The following RABGAP1L variants were observed in gnomAD, a reference collection of about 807,000 sequenced individuals.
RABGAP1L encodes the protein RAB GTPase activating protein 1 like, also known as rab GTPase-activating protein 1-like.
Under a neutral mutation model 137.7 loss-of-function variants are expected in RABGAP1L, and 63 were observed. That is an observed-to-expected ratio of 0.46 (90% confidence interval 0.37 to 0.56). RABGAP1L has a LOEUF of 0.56. Ranked by LOEUF, RABGAP1L falls within the 20% of genes least tolerant of loss-of-function variation. The pLI, the probability that RABGAP1L is intolerant of heterozygous loss-of-function variation, is 0.00. For synonymous variants in RABGAP1L, 431 were observed against 433.7 expected, an observed-to-expected ratio of 0.99 and a Z score of 0.08; for missense variants, 1,095 against 1,244.0, an observed-to-expected ratio of 0.88 and a Z score of 1.80.
rs532571881 is a variant in RABGAP1L at position 174,647,013 on chromosome 1, A to G, written c.1824+9525A>G. On this transcript the variant is annotated intron_variant, in intron 14 of 25. Coordinates refer to ENST00000681986, the MANE Select transcript of RABGAP1L (RefSeq NM_001366446.1). Reference sequence around the variant, plus strand: ...TTACTCATGATTTGGCTGTTTGTCTATTATTGGTGTATAGGAATGCTTGTG... The same window carrying G: ...TTACTCATGATTTGGCTGTTTGTCTGTTATTGGTGTATAGGAATGCTTGTG... Among the ~76,000 whole-genome samples the G allele has an allele frequency of 2.6e-5, 4 of 151,652 alleles. No homozygotes were observed. The East Asian group carries it at 5.8e-4, about 22-fold the overall frequency.
chr1:174,868,286 G>A (rs974598195), intron 19 of RABGAP1L, among the ~76,000 whole-genome samples: 1 of 152,184 alleles, frequency 6.6e-6, no homozygotes, highest in African/African-American at 2.4e-5. Flanking sequence ...CTTAGAGCAA[G>A]TATCTCTTCT....
At chr1:174,412,884 G>C (rs1650110507) in intron 13 of RABGAP1L, among the ~76,000 whole-genome samples, 1 of 152,018 alleles carries the variant, frequency 6.6e-6, no homozygotes, top group Non-Finnish European at 1.5e-5. Context: ...TTCTCTAGCT[G>C]TCTTTAAAAT....
rs148096304 is a variant in RABGAP1L at position 174,545,456 on chromosome 1, C to T, written c.1711-91919C>T. ...CCGTTTGCTAAGACCATTGGAAAAG[C>T]GCAGTATTAGGGTGGGAGGGTCCCG... On this transcript the variant is annotated intron_variant, in intron 13 of 25. Coordinates refer to ENST00000681986, the MANE Select transcript of RABGAP1L (RefSeq NM_001366446.1). 2.1e-3 allele frequency: 316 copies of T among 152,374 alleles called. 1 individual carries two copies. Among genetic ancestry groups the T allele is most frequent in the African/African-American group, 7.0e-3 (290 of 41,556 alleles). 9.4% of individuals were successfully genotyped at this position (152,374 alleles called of 1,614,324 possible).
chr1:174,756,268 G>T (rs1056120016), intron 18 of RABGAP1L, among the ~76,000 whole-genome samples: 14 of 152,092 alleles, frequency 9.2e-5, no homozygotes, highest in Admixed American at 4.6e-4. Context: ...TCCTGCCTCA[G>T]CCTCCTGAGT....
chr1:174,170,890 G>C (rs565805240), intron 1 of RABGAP1L, among the ~76,000 whole-genome samples: 1 of 152,268 alleles, frequency 6.6e-6, no homozygotes, highest in South Asian at 2.1e-4. Flanking sequence ...CATTTTATTG[G>C]ATAATATTTG....
intron 11 of RABGAP1L, among the ~76,000 whole-genome samples, chr1:174,370,044 T>A (rs1684975509): frequency 6.6e-6 from 1 of 152,248 alleles, no homozygotes; most frequent in Non-Finnish European, 1.5e-5. Context: ...TCATTGGATT[T>A]TGTGGTATGC....
At chr1:174,260,902 AT>A (rs532869931) in intron 7 of RABGAP1L, among the ~76,000 whole-genome samples, 30 of 147,312 alleles carry the variant, frequency 2.0e-4, no homozygotes, top group Admixed American at 3.4e-4. Context: ...TGTCTAGTTG[AT>A]TTTTTTTTTT....
intron 19 of RABGAP1L, among the ~76,000 whole-genome samples, chr1:174,843,465 A>G: frequency 6.8e-6 from 1 of 146,784 alleles, no homozygotes; most frequent in Admixed American, 6.9e-5. Flanking sequence ...CCTATGAGGG[A>G]GAATATGCGG....
intron 1 of RABGAP1L, among the ~76,000 whole-genome samples, chr1:174,192,409 A>G (rs1667278028): frequency 7.0e-6 from 1 of 143,054 alleles, no homozygotes; most frequent in Non-Finnish European, 1.5e-5. Flanking sequence ...CTGCACCTTC[A>G]CCTACCAGGT....
intron 14 of RABGAP1L, among the ~76,000 whole-genome samples, chr1:174,648,222 T>C (rs749147892): frequency 9.2e-5 from 14 of 152,118 alleles, no homozygotes; most frequent in South Asian, 2.1e-4. Context: ...TGCTCTGATA[T>C]TAGTTATTTC....
At chr1:174,303,675 A>G (rs985864469) in intron 10 of RABGAP1L, among the ~76,000 whole-genome samples, 2 of 152,190 alleles carry the variant, frequency 1.3e-5, no homozygotes, top group Non-Finnish European at 2.9e-5. Context: ...TAATAAAAAT[A>G]CACTTATTTG....
chr1:174,666,536 A>T (rs1475447587), intron 14 of RABGAP1L, among the ~76,000 whole-genome samples: 1 of 152,242 alleles, frequency 6.6e-6, no homozygotes, highest in Non-Finnish European at 1.5e-5. Context: ...TGTTAGCAGT[A>T]CCAAGAAGCT....
chr1:174,614,038 G>C (rs1431310463), intron 13 of RABGAP1L, among the ~76,000 whole-genome samples: 1 of 152,148 alleles, frequency 6.6e-6, no homozygotes, highest in African/African-American at 2.4e-5. Flanking sequence ...CTTTTAATTG[G>C]AGCATTTATT....
At chr1:174,824,024 T>A (rs1284799155) in intron 19 of RABGAP1L, among the ~76,000 whole-genome samples, 1 of 152,120 alleles carries the variant, frequency 6.6e-6, no homozygotes, top group African/African-American at 2.4e-5. Context: ...GCGCAGTGGC[T>A]CACACCTGTA....
At chr1:174,601,141 C>G (rs766677190) in intron 13 of RABGAP1L, among the ~76,000 whole-genome samples, 2 of 152,320 alleles carry the variant, frequency 1.3e-5, no homozygotes, top group Admixed American at 1.3e-4. Context: ...TACATTGGCC[C>G]CTTTCAGCCA....
At chr1:174,278,141 G>A (rs577171034) in intron 9 of RABGAP1L, among the ~76,000 whole-genome samples, 6 of 152,254 alleles carry the variant, frequency 3.9e-5, no homozygotes, top group South Asian at 2.1e-4. Context: ...GGTGGCTCAC[G>A]CTTGTAATCC....
intron 19 of RABGAP1L, among the ~76,000 whole-genome samples, chr1:174,872,794 GCCTCC>G (rs1652416634): frequency 6.6e-6 from 1 of 151,954 alleles, no homozygotes; most frequent in Admixed American, 6.6e-5. Flanking sequence ...TCCTCCCTCA[GCCTCC>G]CGGGATTATG....
intron 19 of RABGAP1L, among the ~76,000 whole-genome samples, chr1:174,873,037 G>A (rs996781630): frequency 1.3e-5 from 2 of 152,100 alleles, no homozygotes; most frequent in African/African-American, 2.4e-5. Context: ...TATGGGGGTT[G>A]CAGAAGACCT....
chr1:174,638,527 CA>C, intron 14 of RABGAP1L, among the ~76,000 whole-genome samples: 1 of 150,954 alleles, frequency 6.6e-6, no homozygotes, highest in African/African-American at 2.4e-5. Context: ...CCAGCCATCC[CA>C]TTACTTGGTA....
Sources: allele counts gnomAD v4.1 joint callset (sites outside exome capture counted in the v4.1 genomes callset), GRCh38; gene constraint gnomAD v4.1.1; transcripts MANE v1.5; gene names NCBI Gene and HGNC (gene_info 2026-07-23, HGNC 2026-07-21).